ANKRD31: variants seen among roughly 807,000 people sequenced by gnomAD.
The protein encoded by ANKRD31 is ankyrin repeat domain-containing protein 31.
Under a neutral mutation model 186.0 loss-of-function variants are expected in ANKRD31, and 147 were observed. The observed-to-expected ratio is 0.79, with a 90% CI of 0.69 to 0.91. The LOEUF is 0.91. Among genes scored for constraint, ANKRD31 ranks in the 40% least tolerant of loss-of-function variants. The pLI, the probability that ANKRD31 is intolerant of heterozygous loss-of-function variation, is 0.00. For synonymous variants in ANKRD31, 673 were observed against 736.4 expected (o/e 0.91, Z 1.39); for missense variants, 1,986 against 2,148.8 (o/e 0.92, Z 1.50).
At chr5:75,084,184 G>GA in intron 24 of ANKRD31, 88 bp downstream of exon 24, 1 of 982,090 alleles carries the variant, frequency 1.0e-6, no homozygotes, top group Non-Finnish European at 1.5e-6. Flanking sequence ...ACATCAATGA[G>GA]AAAAAAGACA....
intron 10 of ANKRD31, among the ~76,000 whole-genome samples, chr5:75,182,799 C>A (rs1344592840): frequency 2.0e-5 from 3 of 151,392 alleles, no homozygotes; most frequent in African/African-American, 4.9e-5. Flanking sequence ...TCTCCTTGAG[C>A]CCTGAATGCC....
chr5:75,215,344 T>C (rs914876561), intron 3 of ANKRD31, among the ~76,000 whole-genome samples: 2 of 152,154 alleles, frequency 1.3e-5, no homozygotes, highest in Admixed American at 6.6e-5. Flanking sequence ...AGAATAATGT[T>C]TGACCAACTA....
At chr5:75,184,871 G>A (rs1754591200) in intron 10 of ANKRD31, among the ~76,000 whole-genome samples, 1 of 152,070 alleles carries the variant, frequency 6.6e-6, no homozygotes. Context: ...TATATCCAAA[G>A]GAAATGAAAT....
chr5:75,209,328 A>G (rs553081696), intron 4 of ANKRD31, among the ~76,000 whole-genome samples: 1 of 152,266 alleles, frequency 6.6e-6, no homozygotes, highest in South Asian at 2.1e-4. Context: ...AAAAGGTGAA[A>G]CCAGTTTTCT....
At chr5:75,135,047 C>T (rs1487053221) in intron 17 of ANKRD31, among the ~76,000 whole-genome samples, 1 of 152,088 alleles carries the variant, frequency 6.6e-6, no homozygotes, top group African/African-American at 2.4e-5. Flanking sequence ...ATGACAAACC[C>T]ACAGCCAATA....
intron 10 of ANKRD31, among the ~76,000 whole-genome samples, chr5:75,176,745 T>A (rs1020335780): frequency 6.6e-6 from 1 of 151,936 alleles, no homozygotes; most frequent in Non-Finnish European, 1.5e-5. Context: ...GTCACCATCA[T>A]CAAAGACAAA....
intron 6 of ANKRD31, 122 bp downstream of exon 6, chr5:75,199,509 T>C: frequency 1.8e-6 from 1 of 563,464 alleles, no homozygotes; most frequent in Non-Finnish European, 2.8e-6. Context: ...GATTTTTATC[T>C]ACCGAAATGG....
At position 75,181,141 on chromosome 5, in the gene ANKRD31, T is replaced by C. The variant is rs555177367; in HGVS notation, c.1564+7352A>G. On this transcript the variant is annotated intron_variant, in intron 10 of 25. Transcript: ENST00000506364. Reference sequence around the variant, plus strand: ...CAAAAAACACATGAAAAAATGCTCATCATCACTGGCCATCAGAGAAATACA... The same window carrying C: ...CAAAAAACACATGAAAAAATGCTCACCATCACTGGCCATCAGAGAAATACA... Among the ~76,000 whole-genome samples, 14 of 152,088 alleles carry C rather than the reference T, an allele frequency of 9.2e-5. No homozygotes were observed. In the East Asian group the frequency reaches 2.1e-3, roughly 23 times the overall value.
At chr5:75,134,982 ACT>A (rs1300148024) in intron 17 of ANKRD31, among the ~76,000 whole-genome samples, 2 of 152,154 alleles carry the variant, frequency 1.3e-5, no homozygotes, top group African/African-American at 4.8e-5. Flanking sequence ...CATGCTAAAG[ACT>A]CTCAATAAAC....
intron 23 of ANKRD31, among the ~76,000 whole-genome samples, chr5:75,089,131 C>A (rs1328261866): frequency 2.6e-5 from 4 of 152,096 alleles, no homozygotes; most frequent in African/African-American, 9.7e-5. Context: ...AACCATTGCC[C>A]AGATAATATA....
intron 16 of ANKRD31, 138 bp from the exon 17 acceptor site, chr5:75,138,136 A>G (rs754772147): frequency 2.7e-6 from 2 of 747,848 alleles, no homozygotes; most frequent in African/African-American, 1.8e-5. Flanking sequence ...TTGAACAAGA[A>G]ATAATACAAA....
In ANKRD31 at chr5:75,193,307, A is replaced by G. The variant is rs753210909; in HGVS notation, c.1298+4T>C. ...GGAGATAAAGACATAATTTCATTGC[A>G]TACCTGAAATTCTGAGCTGAAGAGT... On this transcript the variant is annotated splice_donor_region_variant and intron_variant, in intron 8 of 25. Transcript: ENST00000506364. 2 of 1,534,780 alleles carry G rather than the reference A, an allele frequency of 1.3e-6. No individual in the cohort carries two copies. Among genetic ancestry groups the G allele is most frequent in the Non-Finnish European group, 8.7e-7 (1 of 1,145,800 alleles).
chr5:75,150,978 G>C (rs1409827242), intron 12 of ANKRD31, among the ~76,000 whole-genome samples: 3 of 151,894 alleles, frequency 2.0e-5, no homozygotes, highest in Non-Finnish European at 2.9e-5. Flanking sequence ...TTGGAAGGAA[G>C]TTTTTTGCTC....
At chr5:75,100,775 G>A (rs1384299221) in intron 22 of ANKRD31, among the ~76,000 whole-genome samples, 3 of 152,016 alleles carry the variant, frequency 2.0e-5, no homozygotes, top group Non-Finnish European at 4.4e-5. Context: ...CCATTTACTT[G>A]GTAGATCTTC....
chr5:75,223,746 G>A (rs764550494), intron 2 of ANKRD31, among the ~76,000 whole-genome samples: 2 of 152,158 alleles, frequency 1.3e-5, no homozygotes, highest in Non-Finnish European at 2.9e-5. Flanking sequence ...AACCGCCAAT[G>A]TGATGATATT....
In ANKRD31 at chr5:75,233,788, C is replaced by T. The variant is rs188509718; in HGVS notation, c.104+2795G>A. Among the ~76,000 whole-genome samples, 267 of 151,996 alleles carry T rather than the reference C, an allele frequency of 1.8e-3. 1 individual carries two copies. Among genetic ancestry groups the T allele is most frequent in the South Asian group, 1.0e-2 (48 of 4,806 alleles). The stretch of plus-strand genomic sequence containing the variant: ...AAAATTAGCTGGGCATGGTGGTATG[C>T]GCCTGTAGTCCCAGCTACTCAGCAG... On this transcript the variant is annotated intron_variant, in intron 1 of 25. Transcript: ENST00000506364.
chr5:75,128,999 C>T (rs1212570330), intron 17 of ANKRD31, among the ~76,000 whole-genome samples: 1 of 152,158 alleles, frequency 6.6e-6, no homozygotes. Flanking sequence ...AGTCCCCACT[C>T]AAATCTCATG....
intron 22 of ANKRD31, among the ~76,000 whole-genome samples, chr5:75,102,149 C>G (rs1002066001): frequency 7.9e-5 from 12 of 152,196 alleles, no homozygotes; most frequent in Non-Finnish European, 1.6e-4. Context: ...TTCCTTCTAA[C>G]AGTCAGGACC....
In ANKRD31 at chr5:75,138,989, A is replaced by C; in HGVS notation, c.3596-6T>G. ...GATCCTACCTGCTTTCATTCCTGTA[A>C]ATTTGCCAAACAAGAGGTTTATTTT... On this transcript the variant is annotated splice_polypyrimidine_tract_variant and splice_region_variant and intron_variant, in intron 15 of 25. Coordinates refer to ENST00000506364, the MANE Select transcript of ANKRD31 (RefSeq NM_001372053.1). The C allele has an allele frequency of 6.5e-7, 1 of 1,535,704 alleles. No homozygotes were observed. The highest frequency in any genetic ancestry group is 8.7e-7 in the Non-Finnish European group (1 of 1,146,186).
Sources: gnomAD v4.1 joint callset for allele counts (sites outside exome capture counted in the v4.1 genomes callset) on GRCh38, gnomAD v4.1.1 for gene constraint, MANE v1.5 for transcripts, NCBI Gene and HGNC (gene_info 2026-07-23, HGNC 2026-07-21) for gene names.